The following BAZ2B variants were observed in gnomAD, a reference collection of about 807,000 sequenced individuals.
BAZ2B encodes the protein bromodomain adjacent to zinc finger domain protein 2B.
BAZ2B carries 91 observed loss-of-function variants against 246.0 expected under a neutral mutation model. The observed-to-expected ratio is 0.37, with a 90% CI of 0.31 to 0.44. The LOEUF (loss-of-function observed/expected upper bound fraction) is 0.44. Ranked by LOEUF, BAZ2B falls within the 20% of genes least tolerant of loss-of-function variation. The probability of loss-of-function intolerance (pLI) is 1.00; values close to 1 mark genes in which losing one functional copy is unlikely to be tolerated. For synonymous variants in BAZ2B, 855 were observed against 860.0 expected (o/e 0.99, Z 0.10); for missense variants, 2,332 against 2,533.7 (o/e 0.92, Z 1.71).
At chr2:159,684,888 A>C in the BAZ2B span, among the ~76,000 whole-genome samples, 1 of 152,162 alleles carries the variant, frequency 6.6e-6, no homozygotes, top group Non-Finnish European at 1.5e-5. Context: ...GTATTTTTAA[A>C]ACCTTCTGTA....
chr2:159,452,142 T>C (rs566888778), intron 4 of BAZ2B, among the ~76,000 whole-genome samples: 5 of 152,286 alleles, frequency 3.3e-5, no homozygotes, highest in Admixed American at 3.3e-4. Flanking sequence ...CTCCTTAGCA[T>C]CCCTGCTTCC....
intron 23 of BAZ2B, 43 bp from the exon 24 acceptor site, chr2:159,383,723 T>C: frequency 6.6e-7 from 1 of 1,508,850 alleles, no homozygotes; most frequent in Non-Finnish European, 9.1e-7. Flanking sequence ...ATTAATCAAT[T>C]TATGCAATGC....
At chr2:159,486,339 C>G (rs929066522) in intron 2 of BAZ2B, among the ~76,000 whole-genome samples, 1 of 151,686 alleles carries the variant, frequency 6.6e-6, no homozygotes, top group African/African-American at 2.4e-5. Context: ...CAACTGAAAC[C>G]AATGCATGAG....
chr2:159,586,755 A>G (rs1029287916), intron 1 of BAZ2B, among the ~76,000 whole-genome samples: 61 of 152,144 alleles, frequency 4.0e-4, no homozygotes, highest in African/African-American at 1.4e-3. Flanking sequence ...AACTAAAAAC[A>G]TATTGAAAAA....
At chr2:159,387,673 G>A (rs1244639075) in intron 21 of BAZ2B, among the ~76,000 whole-genome samples, 3 of 151,980 alleles carry the variant, frequency 2.0e-5, no homozygotes, top group Non-Finnish European at 4.4e-5. Context: ...ACATTTCTAT[G>A]TAATTCTAAA....
intron 3 of BAZ2B, among the ~76,000 whole-genome samples, chr2:159,477,381 A>T (rs1423274534): frequency 6.6e-6 from 1 of 151,948 alleles, no homozygotes; most frequent in African/African-American, 2.4e-5. Context: ...ACACACATAT[A>T]GTGCTATTTT....
intron 20 of BAZ2B, 49 bp from the exon 21 acceptor site, chr2:159,389,534 T>C: frequency 6.9e-7 from 1 of 1,451,624 alleles, no homozygotes; most frequent in Admixed American, 2.5e-5. Flanking sequence ...ATTATATATG[T>C]TGGAATAAAC....
intron 11 of BAZ2B, among the ~76,000 whole-genome samples, chr2:159,428,800 T>C (rs187469248): frequency 6.6e-6 from 1 of 152,288 alleles, no homozygotes; most frequent in African/African-American, 2.4e-5. Flanking sequence ...CTAAAAGCTG[T>C]CATTTCTAAT....
intron 3 of BAZ2B, among the ~76,000 whole-genome samples, chr2:159,466,529 A>G (rs957637440): frequency 6.6e-6 from 1 of 152,236 alleles, no homozygotes; most frequent in Non-Finnish European, 1.5e-5. Flanking sequence ...TAAATTGTGA[A>G]TAGTGCTATG....
the BAZ2B span, among the ~76,000 whole-genome samples, chr2:159,690,615 A>T: frequency 6.6e-6 from 1 of 152,210 alleles, no homozygotes; most frequent in Admixed American, 6.5e-5. Flanking sequence ...CTAGTGCAGA[A>T]GTCCGCACAC....
chr2:159,391,228 T>C (rs11690975), intron 20 of BAZ2B, among the ~76,000 whole-genome samples: 139,447 of 152,164 alleles, frequency 0.92, 65,115 homozygotes, highest in East Asian at 1. Context: ...GTAAAATTTT[T>C]TGCTGCACTT....
chr2:159,490,217 A>G (rs766706515), intron 2 of BAZ2B, among the ~76,000 whole-genome samples: 1 of 152,196 alleles, frequency 6.6e-6, no homozygotes, highest in Non-Finnish European at 1.5e-5. Flanking sequence ...GAAACCATAC[A>G]TCAAACAGAT....
chr2:159,503,350 G>A (rs763883632), intron 2 of BAZ2B, among the ~76,000 whole-genome samples: 5 of 152,078 alleles, frequency 3.3e-5, no homozygotes, highest in Non-Finnish European at 7.4e-5. Context: ...TCCATGCTAT[G>A]TTTTTAGTGC....
chr2:159,493,651 G>A (rs983336526), intron 2 of BAZ2B, among the ~76,000 whole-genome samples: 1 of 152,176 alleles, frequency 6.6e-6, no homozygotes, highest in Non-Finnish European at 1.5e-5. Flanking sequence ...ATTACTTGAG[G>A]TGGAGTTTAG....
In BAZ2B at chr2:159,557,471, C is replaced by T. The variant is rs1399680291; in HGVS notation, c.-45-1606G>A. 2.0e-5 allele frequency among the ~76,000 whole-genome samples: 3 copies of T among 152,184 alleles called. No homozygotes were observed. The East Asian group carries it at 5.8e-4, about 29-fold the overall frequency. On this transcript the variant is annotated intron_variant, in intron 1 of 36. Transcript: ENST00000392783. ...TCCTGCTTCTACCATGTTCCAGTCA[C>T]AATCACCCTTTTGATAATCCCCAAA...
chr2:159,665,949 A>G, the BAZ2B span, among the ~76,000 whole-genome samples: 180 of 152,186 alleles, frequency 1.2e-3, no homozygotes, highest in African/African-American at 4.1e-3. Flanking sequence ...TTTAATTTGC[A>G]TTTCCCTGTT....
the BAZ2B span, among the ~76,000 whole-genome samples, chr2:159,649,327 G>A: frequency 6.6e-6 from 1 of 151,684 alleles, no homozygotes; most frequent in African/African-American, 2.4e-5. Context: ...AGATCATCAG[G>A]CATTAGATTC....
At chr2:159,467,423 C>G (rs1338015909) in intron 3 of BAZ2B, among the ~76,000 whole-genome samples, 2 of 152,122 alleles carry the variant, frequency 1.3e-5, no homozygotes, top group Non-Finnish European at 2.9e-5. Flanking sequence ...GGGCCTTTCC[C>G]CCCCAGGTTT....
the BAZ2B span, among the ~76,000 whole-genome samples, chr2:159,675,988 C>A: frequency 6.6e-6 from 1 of 152,200 alleles, no homozygotes; most frequent in South Asian, 2.1e-4. Flanking sequence ...CTCCACCCCC[C>A]AGGTTCAGGT....
Sources: gnomAD v4.1 joint callset for allele counts (sites outside exome capture counted in the v4.1 genomes callset) on GRCh38, gnomAD v4.1.1 for gene constraint, MANE v1.5 for transcripts, NCBI Gene and HGNC (gene_info 2026-07-23, HGNC 2026-07-21) for gene names.